The following LONP2 variants were observed in gnomAD, a reference collection of about 807,000 sequenced individuals.
LONP2 encodes the protein lon peptidase 2, peroxisomal.
LONP2 carries 60 observed loss-of-function variants against 85.6 expected under a neutral mutation model. The ratio of observed to expected loss-of-function variants is 0.70; its 90% CI spans 0.57 to 0.87. The LOEUF (loss-of-function observed/expected upper bound fraction) is 0.87, where lower values mean the gene tolerates loss of function less well. Among genes scored for constraint, LONP2 ranks in the 40% least tolerant of loss-of-function variants. The pLI is 0.00. For synonymous variants in LONP2, 395 were observed against 389.7 expected (o/e 1.01, Z -0.16); for missense variants, 860 against 1,063.5 (o/e 0.81, Z 2.66).
At position 48,296,011 on chromosome 16, in the gene LONP2, C is replaced by CT. The variant is rs766396809; in HGVS notation, c.1384-3dup. On this transcript the variant is annotated splice_region_variant and splice_polypyrimidine_tract_variant and intron_variant, in intron 8 of 14. Transcript: ENST00000285737. Reference sequence around the variant, plus strand: ...TTTTTAAAATGTTTTTTGTTCTCCCCTAGGTGTTGGATCCTGAACAAAACC... The same window carrying CT: ...TTTTTAAAATGTTTTTTGTTCTCCCCTTAGGTGTTGGATCCTGAACAAAACC... The CT allele has an allele frequency of 6.2e-7, 1 of 1,611,208 alleles. No individual in the cohort carries two copies.
At chr16:48,350,157 G>A (rs1016163965) in intron 14 of LONP2, among the ~76,000 whole-genome samples, 1 of 152,212 alleles carries the variant, frequency 6.6e-6, no homozygotes, top group African/African-American at 2.4e-5. Context: ...AGGCCAAGGT[G>A]GGCGTATCAC....
rs774169335 is a variant in LONP2, at chr16:48,347,606, G to A, written c.2038G>A (p.Glu680Lys). ...MFVEASRMDG[E>K]GQLTLTGQLG... ...CGTGGAGGCGAGTCGAATGGATGGC[G>A]AGGGCCAGTTAACTCTGACCGGCCA... Residue 680 changes from glutamate (E) to lysine (K), a missense_variant, in exon 13 of 15, where the codon GAG (glutamate) becomes AAG (lysine). Coordinates refer to ENST00000285737, the MANE Select transcript of LONP2 (RefSeq NM_031490.5). 2.5e-6 allele frequency: 4 copies of A among 1,614,246 alleles called. No individual in the cohort carries two copies. The highest frequency in any genetic ancestry group is 3.4e-6 in the Non-Finnish European group (4 of 1,180,052).
Position 48,244,626 on chromosome 16 carries a change from G to GC in LONP2, c.233+7dup, listed in dbSNP as rs1971240703. On this transcript the variant is annotated splice_donor_region_variant and intron_variant, in intron 1 of 14. Transcript: ENST00000285737. The stretch of plus-strand genomic sequence containing the variant: ...GGACCTGCCGCCGCTGCACAGGTAG[G>GC]CCTGGCTGCCCCCGCGGCGGCGGCG... 7.3e-7 allele frequency: 1 copy of GC among 1,367,382 alleles called. No individual in the cohort carries two copies. The highest frequency in any genetic ancestry group is 2.6e-4 in the Middle Eastern group (1 of 3,788). The allele number at this position is 1,367,382 out of a possible 1,614,324, so 84.7% of individuals were successfully genotyped here. A position where few individuals can be genotyped will look rare whatever the true frequency, so the allele number is the denominator to read the frequency against.
At chr16:48,262,482 A>G (rs969862323) in intron 5 of LONP2, among the ~76,000 whole-genome samples, 1 of 152,158 alleles carries the variant, frequency 6.6e-6, no homozygotes, top group African/African-American at 2.4e-5. Context: ...TAAGTACCTT[A>G]AGTACTTAGA....
At chr16:48,332,948 ATTAT>A (rs1343547529) in intron 11 of LONP2, among the ~76,000 whole-genome samples, 1 of 152,144 alleles carries the variant, frequency 6.6e-6, no homozygotes, top group African/African-American at 2.4e-5. Flanking sequence ...TAACTGCATA[ATTAT>A]TATATGTGTG....
chr16:48,337,259 G>C (rs1240759825), intron 12 of LONP2, among the ~76,000 whole-genome samples: 1 of 152,202 alleles, frequency 6.6e-6, no homozygotes, highest in East Asian at 1.9e-4. Flanking sequence ...CTAGAAGAGA[G>C]TGGCAGTGAT....
chr16:48,359,273 T>C (rs1326326486), downstream of LONP2, among the ~76,000 whole-genome samples: 10 of 152,160 alleles, frequency 6.6e-5, no homozygotes, highest in East Asian at 1.9e-4. Flanking sequence ...CACGTTTATT[T>C]TGAAAGATAT....
At chr16:48,297,472 G>A (rs554557359) in intron 9 of LONP2, among the ~76,000 whole-genome samples, 18 of 151,916 alleles carry the variant, frequency 1.2e-4, no homozygotes, top group Non-Finnish European at 2.5e-4. Context: ...ATCACACCTG[G>A]CTAATTTTTG....
intron 6 of LONP2, among the ~76,000 whole-genome samples, chr16:48,264,361 A>G (rs1394076951): frequency 1.3e-5 from 2 of 152,196 alleles, no homozygotes; most frequent in East Asian, 3.8e-4. Context: ...TCTGTTTCTC[A>G]GGGACATTCC....
chr16:48,356,781 G>A lies in LONP2; in HGVS notation c.*4979G>A, dbSNP rs1235211156. Reference sequence around the variant, plus strand: ...CTAAAACAATTTTAGGAAAAGCTTTGTCATGAAAATTCATTTCTTTGGAAA... The same window carrying A: ...CTAAAACAATTTTAGGAAAAGCTTTATCATGAAAATTCATTTCTTTGGAAA... On this transcript the variant is annotated 3_prime_UTR_variant, in exon 15 of 15. Transcript: ENST00000285737. 1.9e-5 allele frequency: 5 copies of A among 268,378 alleles called. No individual in the cohort carries two copies. The highest frequency in any genetic ancestry group is 2.3e-5 in the Non-Finnish European group (3 of 131,006). 16.6% of individuals were successfully genotyped at this position (268,378 alleles called of 1,614,324 possible).
chr16:48,265,132 AT>A (rs1252804218), intron 6 of LONP2, among the ~76,000 whole-genome samples: 1 of 152,182 alleles, frequency 6.6e-6, no homozygotes, highest in Non-Finnish European at 1.5e-5. Context: ...TATCAGAAAT[AT>A]GGTTTGCACA....
At chr16:48,248,814 C>A (rs935732860) in intron 1 of LONP2, among the ~76,000 whole-genome samples, 1 of 148,042 alleles carries the variant, frequency 6.8e-6, no homozygotes, top group Non-Finnish European at 1.5e-5. Context: ...CCCAGGTGAT[C>A]GAAGCTGCAG....
In LONP2 at chr16:48,252,228, G is replaced by A. The variant is rs993515677; in HGVS notation, c.331G>A (p.Val111Ile). The change falls in exon 2 of 15, where the codon GTA becomes ATA. Residue 111 changes from valine (V) to isoleucine (I), a missense_variant. Around this residue, in one of 3 missense-constraint regions of LONP2, gnomAD observed 743 missense variants for 917.3 expected, o/e 0.81. Transcript: ENST00000285737. ...TACAGGCCTATGCCGTTTCCAGATT[G>A]TACAGGTCTTAAAAGAGAAGCCATA... Reference protein sequence around the residue: ...LITGLCRFQIVQVLKEKPYPI... With the variant: ...LITGLCRFQIIQVLKEKPYPI... 2 of 1,614,094 alleles carry A rather than the reference G, an allele frequency of 1.2e-6. No homozygotes were observed. The highest frequency in any genetic ancestry group is 1.7e-6 in the Non-Finnish European group (2 of 1,180,030).
chr16:48,288,264 CT>C (rs1307158488), intron 8 of LONP2, among the ~76,000 whole-genome samples: 2 of 151,222 alleles, frequency 1.3e-5, no homozygotes, highest in African/African-American at 4.9e-5. Flanking sequence ...AGCGATTCTC[CT>C]GCCTCAGTCT....
In LONP2 at chr16:48,331,665, C is replaced by T. The variant is rs192317282; in HGVS notation, c.1796-2551C>T. Among the ~76,000 whole-genome samples the T allele has an allele frequency of 6.7e-3, 1,021 of 151,736 alleles. 12 individuals carry two copies. Among genetic ancestry groups the T allele is most frequent in the African/African-American group, 0.023 (967 of 41,378 alleles). ...CTGCAAGCTCTGCCTCCCGGGTTCACGCCATTCTCCTGCCTCAGCCTCCCG... is the reference window on the plus strand; with the variant it reads ...CTGCAAGCTCTGCCTCCCGGGTTCATGCCATTCTCCTGCCTCAGCCTCCCG... On this transcript the variant is annotated intron_variant, in intron 11 of 14. Transcript: ENST00000285737.
intron 1 of LONP2, among the ~76,000 whole-genome samples, chr16:48,250,746 A>G (rs1335196856): frequency 6.6e-6 from 1 of 152,210 alleles, no homozygotes; most frequent in East Asian, 1.9e-4. Context: ...AATTATGTTT[A>G]AGTTATTCTC....
At chr16:48,295,034 G>A (rs1429409398) in intron 8 of LONP2, among the ~76,000 whole-genome samples, 2 of 152,164 alleles carry the variant, frequency 1.3e-5, no homozygotes, top group African/African-American at 2.4e-5. Context: ...GCTCTTTAAT[G>A]TACAGTTGCA....
intron 8 of LONP2, among the ~76,000 whole-genome samples, chr16:48,283,604 T>G (rs1434831837): frequency 1.3e-5 from 2 of 152,220 alleles, no homozygotes; most frequent in Non-Finnish European, 2.9e-5. Context: ...CTAAGTACTT[T>G]AAGCCCACTG....
intron 1 of LONP2, among the ~76,000 whole-genome samples, chr16:48,251,489 A>T (rs1295169224): frequency 2.0e-5 from 3 of 152,212 alleles, no homozygotes; most frequent in African/African-American, 7.2e-5. Flanking sequence ...ACTTAGAACT[A>T]GGTTGAGACC....
Sources: allele counts gnomAD v4.1 joint callset (sites outside exome capture counted in the v4.1 genomes callset), GRCh38; gene constraint gnomAD v4.1.1; regional missense constraint gnomAD v4.1.1; transcripts MANE v1.5; gene names NCBI Gene and HGNC (gene_info 2026-07-23, HGNC 2026-07-21).